The following LPAR6 variants were observed in gnomAD, a reference collection of about 807,000 sequenced individuals.
LPAR6 encodes G-protein coupled purinergic receptor P2Y5.
LPAR6 carries 17 observed loss-of-function variants against 22.0 expected under a neutral mutation model. The ratio of observed to expected loss-of-function variants is 0.77; its 90% CI spans 0.53 to 1.16. The LOEUF (loss-of-function observed/expected upper bound fraction) is 1.16, where lower values mean the gene tolerates loss of function less well. Ranked by LOEUF, LPAR6 falls within the 50% of genes most tolerant of loss-of-function variation. The probability of loss-of-function intolerance (pLI) is 0.00; values close to 1 mark genes in which losing one functional copy is unlikely to be tolerated. For synonymous variants in LPAR6, 136 were observed against 139.8 expected (o/e 0.97, Z 0.19); for missense variants, 384 against 406.9 (o/e 0.94, Z 0.48).
chr13:48,436,386 T>G (rs190294194), intron 1 of LPAR6, among the ~76,000 whole-genome samples: 1 of 152,316 alleles, frequency 6.6e-6, no homozygotes, highest in African/African-American at 2.4e-5. Flanking sequence ...CTCATGCTTG[T>G]AATCTCAGCA....
At chr13:48,393,057 A>T in intron 1 of LPAR6, among the ~76,000 whole-genome samples, 1 of 152,268 alleles carries the variant, frequency 6.6e-6, no homozygotes, top group East Asian at 1.9e-4. Flanking sequence ...TCTACTGAAT[A>T]TCCCATATAT....
Position 48,411,726 on chromosome 13 carries a change from A to C in LPAR6, c.698T>G (p.Val233Gly). Residue 233 changes from valine (V) to glycine (G), a missense_variant, in exon 1 of 1, where the codon GTA becomes GGA. Coordinates refer to ENST00000620633, the MANE Select transcript of LPAR6 (RefSeq NM_001162498.3). ...NKTKVLKMIF[V>G]HLIIFCFCFV... ...ACAGAAACAGAATATGATCAAATGT[A>C]CAAAAATCATTTTTAAAACCTTAGT... 6.2e-7 allele frequency: 1 copy of C among 1,606,916 alleles called. No homozygotes were observed. Among genetic ancestry groups the C allele is most frequent in the Non-Finnish European group, 8.5e-7 (1 of 1,173,706 alleles).
intron 1 of LPAR6, among the ~76,000 whole-genome samples, chr13:48,390,628 TA>T (rs1448837743): frequency 6.6e-6 from 1 of 152,184 alleles, no homozygotes; most frequent in Non-Finnish European, 1.5e-5. Flanking sequence ...ATCTAATGTC[TA>T]ACATATAGAA....
At chr13:48,401,327 G>A (rs1179636653) in intron 1 of LPAR6, 1 of 152,084 alleles carries the variant, frequency 6.6e-6, no homozygotes, top group Non-Finnish European at 1.5e-5. Flanking sequence ...TTGTGAGGAA[G>A]GGCTCTAGAA....
upstream of LPAR6, among the ~76,000 whole-genome samples, chr13:48,429,776 A>C (rs73492996): frequency 4.5e-3 from 690 of 152,350 alleles, 3 homozygotes; most frequent in African/African-American, 0.016. Context: ...GCAGTAATCA[A>C]CTGGAAAATG....
chr13:48,426,716 C>G (rs983232082), intron 1 of LPAR6: 1 of 152,170 alleles, frequency 6.6e-6, no homozygotes, highest in Non-Finnish European at 1.5e-5. Context: ...TTCTTGACTT[C>G]TAGTCAAATG....
chr13:48,416,632 G>C (rs188725046), upstream of LPAR6: 2 of 152,484 alleles, frequency 1.3e-5, no homozygotes, highest in Non-Finnish European at 2.9e-5. Flanking sequence ...GAGCCAAGTG[G>C]TCTAGCTCAG....
At chr13:48,439,317 A>G (rs1327787401) in intron 1 of LPAR6, among the ~76,000 whole-genome samples, 1 of 152,230 alleles carries the variant, frequency 6.6e-6, no homozygotes, top group East Asian at 1.9e-4. Flanking sequence ...TATTCAATAA[A>G]TATTAACTAG....
chr13:48,414,099 GCA>G (rs1948865923), upstream of LPAR6, among the ~76,000 whole-genome samples: 1 of 152,122 alleles, frequency 6.6e-6, no homozygotes, highest in South Asian at 2.1e-4. Context: ...TATAATCCCA[GCA>G]CTTTGGAAGG....
chr13:48,394,057 C>G (rs1174156712), intron 1 of LPAR6, among the ~76,000 whole-genome samples: 1 of 152,134 alleles, frequency 6.6e-6, no homozygotes, highest in Non-Finnish European at 1.5e-5. Context: ...GTACCTGGCT[C>G]ATCTCATTGG....
upstream of LPAR6, among the ~76,000 whole-genome samples, chr13:48,414,332 G>A (rs965166539): frequency 1.4e-5 from 2 of 146,408 alleles, no homozygotes; most frequent in Non-Finnish European, 3.0e-5. Flanking sequence ...GGGCGACAGC[G>A]AGACTATCTC....
At chr13:48,438,241 T>G (rs1297552184) in intron 1 of LPAR6, among the ~76,000 whole-genome samples, 1 of 152,162 alleles carries the variant, frequency 6.6e-6, no homozygotes, top group Non-Finnish European at 1.5e-5. Flanking sequence ...CACTTTACAT[T>G]TATTATCTAA....
intron 1 of LPAR6, among the ~76,000 whole-genome samples, chr13:48,399,290 G>A (rs941998394): frequency 1.3e-5 from 2 of 151,690 alleles, no homozygotes; most frequent in Admixed American, 6.6e-5. Context: ...TCTTCTATAC[G>A]AATGCAAAAA....
intron 1 of LPAR6, among the ~76,000 whole-genome samples, chr13:48,393,307 G>A (rs1304999890): frequency 6.6e-6 from 1 of 152,098 alleles, no homozygotes; most frequent in Non-Finnish European, 1.5e-5. Context: ...AGTTTGCCTT[G>A]GCATCTCCCA....
intron 1 of LPAR6, among the ~76,000 whole-genome samples, chr13:48,404,777 G>T (rs1948725335): frequency 6.6e-6 from 1 of 151,770 alleles, no homozygotes; most frequent in Non-Finnish European, 1.5e-5. Flanking sequence ...CGCCTGCCTC[G>T]GCCTCCCAAA....
chr13:48,396,005 A>G (rs1463272597), intron 1 of LPAR6, among the ~76,000 whole-genome samples: 3 of 152,212 alleles, frequency 2.0e-5, no homozygotes, highest in Non-Finnish European at 4.4e-5. Flanking sequence ...AGAGGGCACA[A>G]ACAAATGGCA....
chr13:48,427,175 A>G (rs1382601379), upstream of LPAR6, among the ~76,000 whole-genome samples: 1 of 122,034 alleles, frequency 8.2e-6, no homozygotes, highest in African/African-American at 3.1e-5. Context: ...CGAGTCATCT[A>G]CCAAACCTCA....
chr13:48,425,758 G>A (rs1439182882), intron 1 of LPAR6, among the ~76,000 whole-genome samples: 3 of 152,118 alleles, frequency 2.0e-5, no homozygotes, highest in African/African-American at 7.2e-5. Context: ...TGTAAAAGGA[G>A]AGTATTAAAT....
chr13:48,402,969 A>G (rs1484593351), intron 1 of LPAR6, among the ~76,000 whole-genome samples: 5 of 152,286 alleles, frequency 3.3e-5, no homozygotes, highest in East Asian at 1.9e-4. Context: ...GTAAAGTACT[A>G]TATATAAAAC....
Sources: allele counts gnomAD v4.1 joint callset (sites outside exome capture counted in the v4.1 genomes callset), GRCh38; gene constraint gnomAD v4.1.1; transcripts MANE v1.5; gene names NCBI Gene and HGNC (gene_info 2026-07-23, HGNC 2026-07-21).